TAFA4: variants seen among roughly 807,000 people sequenced by gnomAD.
The protein encoded by TAFA4 is TAFA chemokine like family member 4, also known as chemokine-like protein TAFA-4.
TAFA4 carries 20 observed loss-of-function variants against 21.1 expected under a neutral mutation model. The observed-to-expected ratio is 0.95, with a 90% CI of 0.67 to 1.38. The LOEUF is 1.38. TAFA4 is among the 40% of genes most tolerant of loss of function. The pLI is 0.00. For missense variants in TAFA4, 211 were observed against 180.9 expected (o/e 1.17, Z -0.95); for synonymous variants, 71 against 67.4 (o/e 1.05, Z -0.26).
chr3:68,781,026 T>C (rs1354216003), intron 3 of TAFA4, among the ~76,000 whole-genome samples: 1 of 151,854 alleles, frequency 6.6e-6, no homozygotes, highest in Non-Finnish European at 1.5e-5. Flanking sequence ...AAGTAAACAA[T>C]ACATTCCTAA....
intron 3 of TAFA4, among the ~76,000 whole-genome samples, chr3:68,812,743 G>A (rs866499557): frequency 2.2e-4 from 34 of 151,996 alleles, no homozygotes; most frequent in African/African-American, 6.8e-4. Context: ...TTAACACCCG[G>A]CTGTCAACAT....
At position 68,793,241 on chromosome 3, in the gene TAFA4, A is replaced by G. The variant is rs143143877; in HGVS notation, c.131-40223T>C. Among the ~76,000 whole-genome samples, 158 of 152,324 alleles carry G rather than the reference A, an allele frequency of 1.0e-3. 1 individual carries two copies. The East Asian group carries it at 0.028, about 27-fold the overall frequency. On this transcript the variant is annotated intron_variant, in intron 3 of 5. Coordinates refer to ENST00000295569, the MANE Select transcript of TAFA4 (RefSeq NM_182522.5). ...AAGATGGTTCACTGGCATGAGCCCA[A>G]CATTTACTAAATAGAAAAGGAGAAT...
intron 3 of TAFA4, among the ~76,000 whole-genome samples, chr3:68,805,268 C>T (rs1703666456): frequency 6.6e-6 from 1 of 152,262 alleles, no homozygotes; most frequent in Non-Finnish European, 1.5e-5. Flanking sequence ...CATCTCACAC[C>T]AGTTAGAATG....
intron 3 of TAFA4, among the ~76,000 whole-genome samples, chr3:68,829,679 G>A (rs193085808): frequency 6.6e-6 from 1 of 152,290 alleles, no homozygotes; most frequent in Non-Finnish European, 1.5e-5. Flanking sequence ...CCAGGCTTTG[G>A]TATCAGGATG....
intron 3 of TAFA4, among the ~76,000 whole-genome samples, chr3:68,783,307 G>C (rs1424579734): frequency 2.0e-5 from 3 of 152,070 alleles, no homozygotes; most frequent in Non-Finnish European, 4.4e-5. Flanking sequence ...GAAATAAAAA[G>C]CAAATAAACC....
chr3:68,744,839 T>C (rs1432900213), intron 4 of TAFA4, among the ~76,000 whole-genome samples: 2 of 152,184 alleles, frequency 1.3e-5, no homozygotes, highest in East Asian at 1.9e-4. Context: ...TTTCGTTTAA[T>C]TGGAAAATAT....
At chr3:68,749,506 G>A (rs1324819762) in intron 4 of TAFA4, among the ~76,000 whole-genome samples, 1 of 152,010 alleles carries the variant, frequency 6.6e-6, no homozygotes, top group Non-Finnish European at 1.5e-5. Context: ...AATTATTATG[G>A]GATAAAGATT....
At chr3:68,834,530 C>G (rs1043297912) in intron 3 of TAFA4, among the ~76,000 whole-genome samples, 3 of 152,146 alleles carry the variant, frequency 2.0e-5, no homozygotes, top group Non-Finnish European at 2.9e-5. Context: ...CCTACTTGAT[C>G]TTTACCATCT....
intron 3 of TAFA4, among the ~76,000 whole-genome samples, chr3:68,837,558 G>A (rs1385982448): frequency 1.3e-5 from 2 of 152,104 alleles, no homozygotes; most frequent in Non-Finnish European, 2.9e-5. Flanking sequence ...CCTGGCACCC[G>A]CCCCCCACTC....
In TAFA4 at chr3:68,817,297, A is replaced by C. The variant is rs193205840; in HGVS notation, c.130+63433T>G. 1.1e-4 allele frequency among the ~76,000 whole-genome samples: 17 copies of C among 152,318 alleles called. No homozygotes were observed. In the East Asian group the frequency reaches 2.5e-3, roughly 22 times the overall value. On this transcript the variant is annotated intron_variant, in intron 3 of 5. Transcript: ENST00000295569. ...TCCGCTAATTTTATCATAAGATTAC[A>C]GAAATTCAGTAACATCTTCAGACTC...
intron 1 of TAFA4, among the ~76,000 whole-genome samples, chr3:68,907,332 A>G (rs889836599): frequency 5.3e-5 from 8 of 152,222 alleles, no homozygotes; most frequent in Non-Finnish European, 1.0e-4. Flanking sequence ...CCAGCTCTTT[A>G]AAGTCCCCTG....
chr3:68,916,717 G>A (rs1490378639), intron 1 of TAFA4, among the ~76,000 whole-genome samples: 1 of 152,296 alleles, frequency 6.6e-6, no homozygotes, highest in East Asian at 1.9e-4. Flanking sequence ...AGGGCCTCAG[G>A]CAGCTTCTGT....
At chr3:68,752,495 A>T (rs1246494752) in intron 4 of TAFA4, among the ~76,000 whole-genome samples, 2 of 152,228 alleles carry the variant, frequency 1.3e-5, no homozygotes, top group African/African-American at 4.8e-5. Flanking sequence ...TATAACACCA[A>T]GCATGAAGTG....
intron 4 of TAFA4, among the ~76,000 whole-genome samples, chr3:68,743,626 T>TAA (rs1702399798): frequency 2.0e-5 from 3 of 150,346 alleles, no homozygotes; most frequent in South Asian, 4.3e-4. Context: ...GCCTCAAATA[T>TAA]CATAACAATT....
chr3:68,808,462 C>A (rs1350862625), intron 3 of TAFA4, among the ~76,000 whole-genome samples: 1 of 152,088 alleles, frequency 6.6e-6, no homozygotes, highest in African/African-American at 2.4e-5. Flanking sequence ...CTATCTAGAC[C>A]CAACCTACCT....
chr3:68,899,303 G>T (rs529230011), intron 1 of TAFA4, among the ~76,000 whole-genome samples: 108 of 151,974 alleles, frequency 7.1e-4, no homozygotes, highest in African/African-American at 2.6e-3. Context: ...TTTAGACATA[G>T]CCAGCTAAAT....
intron 3 of TAFA4, among the ~76,000 whole-genome samples, chr3:68,846,402 G>C (rs1336928959): frequency 2.6e-5 from 4 of 151,904 alleles, no homozygotes; most frequent in Admixed American, 2.6e-4. Context: ...GGTTATTCTA[G>C]TTAGCAATTC....
At chr3:68,877,211 T>C (rs1028318201) in intron 3 of TAFA4, among the ~76,000 whole-genome samples, 3 of 151,826 alleles carry the variant, frequency 2.0e-5, no homozygotes, top group Non-Finnish European at 2.9e-5. Flanking sequence ...ATACAAAAAT[T>C]AGCTGGGCGC....
intron 3 of TAFA4, among the ~76,000 whole-genome samples, chr3:68,863,505 A>C (rs989435522): frequency 6.6e-6 from 1 of 152,154 alleles, no homozygotes; most frequent in African/African-American, 2.4e-5. Context: ...ACTCTTAAGA[A>C]TCTGCCCCAT....
Sources: gnomAD v4.1 joint callset for allele counts (sites outside exome capture counted in the v4.1 genomes callset) on GRCh38, gnomAD v4.1.1 for gene constraint, MANE v1.5 for transcripts, NCBI Gene and HGNC (gene_info 2026-07-23, HGNC 2026-07-21) for gene names.